The following MAP2K3 variants were observed in gnomAD, a reference collection of about 807,000 sequenced individuals.
MAP2K3 encodes dual specificity mitogen-activated protein kinase kinase 3.
MAP2K3 carries 30 observed loss-of-function variants against 46.4 expected under a neutral mutation model. The ratio of observed to expected loss-of-function variants is 0.65; its 90% confidence interval spans 0.48 to 0.88. The LOEUF (loss-of-function observed/expected upper bound fraction) is 0.88, where lower values mean the gene tolerates loss of function less well. Among genes scored for constraint, MAP2K3 ranks in the 40% least tolerant of loss-of-function variants. The pLI is 0.00. For synonymous variants in MAP2K3, 189 were observed against 176.3 expected (o/e 1.07, Z -0.57); for missense variants, 380 against 464.5 (o/e 0.82, Z 1.67).
intron 3 of MAP2K3, among the ~76,000 whole-genome samples, chr17:21,299,835 A>C (rs969456417): frequency 6.6e-6 from 1 of 152,258 alleles, no homozygotes; most frequent in Non-Finnish European, 1.5e-5. Flanking sequence ...TACAAAAATT[A>C]GCCCGGTGTG....
intron 6 of MAP2K3, among the ~76,000 whole-genome samples, chr17:21,302,583 A>G (rs1976668415): frequency 6.6e-6 from 1 of 152,312 alleles, no homozygotes; most frequent in Admixed American, 6.5e-5. Context: ...GCGTCATACT[A>G]AAAATGCCCC....
Position 21,295,608 on chromosome 17 carries a change from C to CT in MAP2K3, c.50-2804dup, listed in dbSNP as rs1976195519. The CT allele has an allele frequency of 3.9e-6, 5 of 1,285,738 alleles. No individual in the cohort carries two copies. In the African/African-American group the frequency reaches 6.1e-5, roughly 16 times the overall value. 79.6% of individuals were successfully genotyped at this position (1,285,738 alleles called of 1,614,324 possible). ...TCCATGACGGCCTCACCCACTCCCT[C>CT]TGACAGCTGGGTGGCTTCCCCATGG... is the stretch of plus-strand genomic sequence containing the variant. On this transcript the variant is annotated intron_variant, in intron 1 of 11. Coordinates refer to ENST00000342679, the MANE Select transcript of MAP2K3 (RefSeq NM_145109.3).
intron 2 of MAP2K3, 21 bp from the exon 3 acceptor site, chr17:21,298,857 C>CG: frequency 6.2e-7 from 1 of 1,614,178 alleles, no homozygotes; most frequent in Non-Finnish European, 8.5e-7. Context: ...CTGAAGCTCA[C>CG]GGAGTCTTCT....
At chr17:21,309,697 TCC>T (rs1977072404) in intron 9 of MAP2K3, among the ~76,000 whole-genome samples, 1 of 152,166 alleles carries the variant, frequency 6.6e-6, no homozygotes, top group Non-Finnish European at 1.5e-5. Context: ...TACTGCAACC[TCC>T]GCCTCCCAGG....
intron 1 of MAP2K3, among the ~76,000 whole-genome samples, chr17:21,297,659 G>A (rs926256564): frequency 1.0e-4 from 16 of 152,416 alleles, no homozygotes; most frequent in Admixed American, 5.2e-4. Context: ...CTGACCCTCC[G>A]TTAGTACCAG....
chr17:21,303,124 TTGACG>T, intron 6 of MAP2K3, 54 bp from the exon 7 acceptor site: 1 of 1,610,348 alleles, frequency 6.2e-7, no homozygotes, highest in Non-Finnish European at 8.5e-7. Flanking sequence ...TCTGTCGTTT[TTGACG>T]TGACCAGGAA....
intron 1 of MAP2K3, chr17:21,291,640 C>T: frequency 2.2e-6 from 1 of 454,784 alleles, no homozygotes; most frequent in South Asian, 1.6e-5. Context: ...GAGCATGGGG[C>T]CTGCCCCACA....
intron 2 of MAP2K3, 91 bp downstream of exon 2, chr17:21,298,570 C>T: frequency 6.3e-7 from 1 of 1,599,800 alleles, no homozygotes; most frequent in Non-Finnish European, 8.6e-7. Flanking sequence ...TGGGGCCAGC[C>T]CTGCTTTACC....
intron 5 of MAP2K3, among the ~76,000 whole-genome samples, chr17:21,301,811 G>T (rs1335549996): frequency 1.3e-5 from 2 of 152,312 alleles, no homozygotes; most frequent in African/African-American, 2.4e-5. Flanking sequence ...AGCAGGGCCG[G>T]CTGTTGCCAT....
Position 21,315,094 on chromosome 17 carries a change from T to TA in MAP2K3, c.*865dup, listed in dbSNP as rs1977342171. The TA allele has an allele frequency of 6.6e-6, 1 of 152,464 alleles. No homozygotes were observed. The highest frequency in any genetic ancestry group is 2.4e-5 in the African/African-American group (1 of 41,400). 9.4% of individuals were successfully genotyped at this position (152,464 alleles called of 1,614,324 possible). On this transcript the variant is annotated 3_prime_UTR_variant, in exon 12 of 12. Transcript: ENST00000342679. The stretch of plus-strand genomic sequence containing the variant: ...CCCTGAGGACTGGCTTGACAGGGGC[T>TA]ATGGGTTTGCTTTGGTGTTGTTTTT...
At chr17:21,311,779 C>T (rs1334996979) in intron 9 of MAP2K3, 2 of 184,246 alleles carry the variant, frequency 1.1e-5, no homozygotes, top group African/African-American at 2.4e-5. Context: ...CCACCTGGCT[C>T]ATGAGGCTAC....
At chr17:21,291,679 C>G (rs904103401) in intron 1 of MAP2K3, 2 of 431,124 alleles carry the variant, frequency 4.6e-6, no homozygotes, top group Non-Finnish European at 9.3e-6. Flanking sequence ...AGAGTCCCAC[C>G]GATCTGACCC....
intron 1 of MAP2K3, among the ~76,000 whole-genome samples, chr17:21,295,156 C>T (rs112570208): frequency 0.042 from 6,265 of 149,356 alleles, no homozygotes; most frequent in Non-Finnish European, 0.069. Flanking sequence ...GAAGGCCCTG[C>T]GGTGGGAAAG....
At chr17:21,296,646 C>T (rs1427774876) in intron 1 of MAP2K3, among the ~76,000 whole-genome samples, 2 of 152,198 alleles carry the variant, frequency 1.3e-5, no homozygotes, top group Non-Finnish European at 2.9e-5. Flanking sequence ...TGAGCCTGTT[C>T]CCCAAGTAAA....
At chr17:21,308,987 C>T (rs979996755) in intron 9 of MAP2K3, among the ~76,000 whole-genome samples, 32 of 152,428 alleles carry the variant, frequency 2.1e-4, no homozygotes, top group Middle Eastern at 3.4e-3. Flanking sequence ...TTTCTTATTT[C>T]TCATGTTTCC....
At chr17:21,313,820 C>T in intron 11 of MAP2K3, 1 of 576,616 alleles carries the variant, frequency 1.7e-6, no homozygotes, top group Non-Finnish European at 3.1e-6. Flanking sequence ...GAGGAGGTAC[C>T]ATTTGAACTG....
chr17:21,312,213 G>A lies in MAP2K3; in HGVS notation c.846G>A (p.Val282=), dbSNP rs1171696466. Residue 282 remains valine, a synonymous_variant, in exon 10 of 12, where the codon GTG becomes GTA. Transcript: ENST00000342679. ...CGTTCCAGCAGCTGAAGCAGGTGGTGGAGGAGCCGTCCCCCCAGCTCCCAG... is the reference window on the plus strand; with the variant it reads ...CGTTCCAGCAGCTGAAGCAGGTGGTAGAGGAGCCGTCCCCCCAGCTCCCAG... ...GTPFQQLKQV[V]EEPSPQLPAD... is the part of the protein sequence containing the mutation. 1 of 1,603,056 alleles carries A rather than the reference G, an allele frequency of 6.2e-7. No individual in the cohort carries two copies. Among genetic ancestry groups the A allele is most frequent in the Non-Finnish European group, 8.5e-7 (1 of 1,176,494 alleles).
Position 21,307,845 on chromosome 17 carries a change from C to CTTT in MAP2K3, c.774+2743_774+2745dup, listed in dbSNP as rs35690616. Among the ~76,000 whole-genome samples the CTTT allele has an allele frequency of 1.1e-3, 115 of 104,806 alleles. 1 individual carries two copies. Among genetic ancestry groups the CTTT allele is most frequent in the South Asian group, 1.4e-3 (4 of 2,904 alleles). 68.8% of individuals were successfully genotyped at this position (104,806 alleles called of 152,430 possible). A position where few individuals can be genotyped will look rare whatever the true frequency, so the allele number is the denominator to read the frequency against. On this transcript the variant is annotated intron_variant, in intron 9 of 11. Transcript: ENST00000342679. ...GGCTCGTGCCACCATGCCCGGCTAT[C>CTTT]TTTTTTTTTTTTTTTTTTTTTTTTT...
At chr17:21,311,789 C>T (rs139466750) in intron 9 of MAP2K3, 10 of 188,738 alleles carry the variant, frequency 5.3e-5, no homozygotes, top group East Asian at 1.4e-4. Flanking sequence ...CATGAGGCTA[C>T]GGCCCAAAGT....
Sources: allele counts gnomAD v4.1 joint callset (sites outside exome capture counted in the v4.1 genomes callset), GRCh38; gene constraint gnomAD v4.1.1; transcripts MANE v1.5; gene names NCBI Gene and HGNC (gene_info 2026-07-23, HGNC 2026-07-21).